The following CDC42BPA variants were observed in gnomAD, a reference collection of about 807,000 sequenced individuals.
CDC42BPA encodes the protein CDC42 binding protein kinase alpha.
Under a neutral mutation model 223.5 loss-of-function variants are expected in CDC42BPA, and 80 were observed. That is an observed-to-expected ratio of 0.36 (90% CI 0.30 to 0.43). The LOEUF is 0.43. Ranked by LOEUF, CDC42BPA falls within the 20% of genes least tolerant of loss-of-function variation. The probability of loss-of-function intolerance (pLI) is 1.00; values close to 1 mark genes in which losing one functional copy is unlikely to be tolerated. For missense variants in CDC42BPA, 1,743 were observed against 2,099.9 expected (o/e 0.83, Z 3.32); for synonymous variants, 694 against 718.6 (o/e 0.97, Z 0.55).
intron 22 of CDC42BPA, among the ~76,000 whole-genome samples, chr1:227,049,012 G>C (rs1187639229): frequency 6.6e-6 from 1 of 151,858 alleles, no homozygotes; most frequent in East Asian, 1.9e-4. Flanking sequence ...ATTCAGTTGA[G>C]TTTCTCAGAG....
At chr1:227,258,176 G>GGGA (rs368193166) in intron 1 of CDC42BPA, among the ~76,000 whole-genome samples, 2 of 108,110 alleles carry the variant, frequency 1.8e-5, no homozygotes, top group Non-Finnish European at 3.7e-5. Context: ...CCCTGTCCGG[G>GGGA]AAAAAAAAAA....
chr1:227,273,777 G>A (rs1686393345), intron 1 of CDC42BPA, among the ~76,000 whole-genome samples: 1 of 150,878 alleles, frequency 6.6e-6, no homozygotes, highest in Non-Finnish European at 1.5e-5. Flanking sequence ...CGTTCTAACT[G>A]TGAAATACTG....
chr1:227,240,809 T>A (rs1193593102), intron 2 of CDC42BPA, among the ~76,000 whole-genome samples: 1 of 151,878 alleles, frequency 6.6e-6, no homozygotes, highest in Non-Finnish European at 1.5e-5. Context: ...AACATAGATA[T>A]CTTTGTGATC....
intron 1 of CDC42BPA, among the ~76,000 whole-genome samples, chr1:227,301,772 G>T (rs1691677118): frequency 6.6e-6 from 1 of 151,424 alleles, no homozygotes. Flanking sequence ...AAAACATTAC[G>T]CCCCGTACCT....
rs1421897926 is a variant in CDC42BPA, at chr1:227,147,339, C to G, written c.894+20G>C. ...GTGTTATTTACCACATTAATTTGAA[C>G]AAAAGTAAAACATACTAACTTTGTG... On this transcript the variant is annotated intron_variant, in intron 7 of 36. Coordinates refer to ENST00000366766, the MANE Select transcript of CDC42BPA (RefSeq NM_001394014.1). 6.4e-7 allele frequency: 1 copy of G among 1,572,066 alleles called. No homozygotes were observed. The highest frequency in any genetic ancestry group is 1.4e-5 in the African/African-American group (1 of 73,586).
At chr1:227,068,232 T>C (rs1367317149) in intron 21 of CDC42BPA, among the ~76,000 whole-genome samples, 7 of 151,482 alleles carry the variant, frequency 4.6e-5, no homozygotes, top group Admixed American at 4.6e-4. Context: ...TTAAAAGTAA[T>C]TTTTTTTTAT....
chr1:227,062,165 C>T (rs1040150522), intron 21 of CDC42BPA, among the ~76,000 whole-genome samples: 1 of 152,200 alleles, frequency 6.6e-6, no homozygotes, highest in African/African-American at 2.4e-5. Context: ...CCCTTCCTCA[C>T]CCTTTTTGTT....
At position 227,187,202 on chromosome 1, in the gene CDC42BPA, G is replaced by C. The variant is rs150745522; in HGVS notation, c.599+6584C>G. Among the ~76,000 whole-genome samples, 115 of 152,222 alleles carry C rather than the reference G, an allele frequency of 7.6e-4. 1 individual carries two copies. The Middle Eastern group carries it at 0.01, about 14-fold the overall frequency. On this transcript the variant is annotated intron_variant, in intron 5 of 36. Coordinates refer to ENST00000366766, the MANE Select transcript of CDC42BPA (RefSeq NM_001394014.1). ...AGAGACTGGACAGACATCAGAATGAGAGTCAGATATGGCAACAATGTTGCA... is the reference window on the plus strand; with the variant it reads ...AGAGACTGGACAGACATCAGAATGACAGTCAGATATGGCAACAATGTTGCA...
chr1:227,310,918 C>T (rs980138136), intron 1 of CDC42BPA, among the ~76,000 whole-genome samples: 14 of 151,816 alleles, frequency 9.2e-5, no homozygotes, highest in Admixed American at 9.2e-4. Flanking sequence ...GTCTCAATCT[C>T]CTGACCTCGT....
chr1:227,184,973 G>A (rs984088198), intron 5 of CDC42BPA, among the ~76,000 whole-genome samples: 1 of 152,104 alleles, frequency 6.6e-6, no homozygotes, highest in African/African-American at 2.4e-5. Context: ...CTTCAAAAGG[G>A]AGAAGGCTAC....
At chr1:227,084,547 T>TAAA (rs1179303863) in intron 16 of CDC42BPA, among the ~76,000 whole-genome samples, 2,633 of 123,094 alleles carry the variant, frequency 0.021, 30 homozygotes, top group Non-Finnish European at 0.029. Context: ...AAAAAAAAAT[T>TAAA]TTTTTTTCAT....
chr1:227,141,597 A>C (rs1006514015), intron 9 of CDC42BPA, among the ~76,000 whole-genome samples: 1 of 152,288 alleles, frequency 6.6e-6, no homozygotes, highest in South Asian at 2.1e-4. Context: ...CAATCCTTTC[A>C]GTGAAAGGAG....
At chr1:227,031,793 T>TAAC (rs34434131) in intron 27 of CDC42BPA, among the ~76,000 whole-genome samples, 23,347 of 151,924 alleles carry the variant, frequency 0.15, 2,154 homozygotes, top group African/African-American at 0.25. Flanking sequence ...ATTAAATATA[T>TAAC]AACAACAACA....
Position 227,030,327 on chromosome 1 carries a change from C to G in CDC42BPA, c.3838+81G>C. ...AGGATAAATAAGAGCAAATCCTGCTCTTTGTAGAATTTAGAATCTACAGTT... is the reference window on the plus strand; with the variant it reads ...AGGATAAATAAGAGCAAATCCTGCTGTTTGTAGAATTTAGAATCTACAGTT... On this transcript the variant is annotated intron_variant, in intron 29 of 36. Transcript: ENST00000366766. 3 of 825,836 alleles carry G rather than the reference C, an allele frequency of 3.6e-6. No individual in the cohort carries two copies. In the South Asian group the frequency reaches 4.8e-5, roughly 13 times the overall value. 51.2% of individuals were successfully genotyped at this position (825,836 alleles called of 1,614,324 possible). A position where few individuals can be genotyped will look rare whatever the true frequency, so the allele number is the denominator to read the frequency against.
At chr1:227,053,249 T>C (rs914343001) in intron 21 of CDC42BPA, among the ~76,000 whole-genome samples, 3 of 152,174 alleles carry the variant, frequency 2.0e-5, no homozygotes, top group African/African-American at 7.2e-5. Flanking sequence ...CTGGCAAGTG[T>C]ATGGGAAGAA....
At chr1:227,105,356 C>CTTTTTTT (rs35065841) in intron 14 of CDC42BPA, among the ~76,000 whole-genome samples, 7 of 91,654 alleles carry the variant, frequency 7.6e-5, no homozygotes, top group Non-Finnish European at 1.1e-4. Flanking sequence ...TGCCTATTCT[C>CTTTTTTT]TTTTTTTTTT....
chr1:227,194,565 T>A (rs1410024346), intron 4 of CDC42BPA, among the ~76,000 whole-genome samples: 1 of 152,174 alleles, frequency 6.6e-6, no homozygotes, highest in African/African-American at 2.4e-5. Context: ...TAGATATGGA[T>A]CCTTATGGGT....
At chr1:227,067,440 A>G (rs1344066565) in intron 21 of CDC42BPA, among the ~76,000 whole-genome samples, 2 of 152,218 alleles carry the variant, frequency 1.3e-5, no homozygotes, top group African/African-American at 4.8e-5. Context: ...TAGTGGAAAG[A>G]ACAACCAAAA....
At chr1:227,121,756 G>C (rs1558543709) in intron 11 of CDC42BPA, among the ~76,000 whole-genome samples, 1 of 147,730 alleles carries the variant, frequency 6.8e-6, no homozygotes, top group Non-Finnish European at 1.5e-5. Flanking sequence ...ATATTTTCTA[G>C]TTTAAGTTTT....
Sources: allele counts gnomAD v4.1 joint callset (sites outside exome capture counted in the v4.1 genomes callset), GRCh38; gene constraint gnomAD v4.1.1; transcripts MANE v1.5; gene names NCBI Gene and HGNC (gene_info 2026-07-23, HGNC 2026-07-21).